Variants in RNGTT observed in about 807,000 individuals in gnomAD.
The protein encoded by RNGTT is RNA guanylyltransferase and 5'-phosphatase.
A neutral mutation model predicts 79.3 loss-of-function variants in RNGTT; 33 were observed. The ratio of observed to expected loss-of-function variants is 0.42; its 90% CI spans 0.32 to 0.56. RNGTT has a LOEUF of 0.56. Ranked by LOEUF, RNGTT falls within the 20% of genes least tolerant of loss-of-function variation. The pLI, the probability that RNGTT is intolerant of heterozygous loss-of-function variation, is 0.17. For synonymous variants in RNGTT, 222 were observed against 235.9 expected, an observed-to-expected ratio of 0.94 and a Z score of 0.54; for missense variants, 497 against 739.1, an observed-to-expected ratio of 0.67 and a Z score of 3.80.
chr6:88,904,573 A>C, intron 6 of RNGTT, 142 bp downstream of exon 6: 1 of 1,034,488 alleles, frequency 9.7e-7, no homozygotes, highest in Non-Finnish European at 1.3e-6. Context: ...AAAAAAAAAA[A>C]ATTTTTTTTT....
intron 1 of RNGTT, among the ~76,000 whole-genome samples, chr6:88,961,218 T>A (rs781337552): frequency 2.0e-5 from 3 of 152,176 alleles, no homozygotes; most frequent in Non-Finnish European, 4.4e-5. Flanking sequence ...TTCTTCCATT[T>A]TGGGACTCAG....
intron 4 of RNGTT, among the ~76,000 whole-genome samples, chr6:88,920,266 C>A (rs1784125134): frequency 6.6e-6 from 1 of 152,150 alleles, no homozygotes; most frequent in South Asian, 2.1e-4. Context: ...TATAAAATGG[C>A]ATAGTATTTG....
intron 14 of RNGTT, among the ~76,000 whole-genome samples, chr6:88,672,700 T>C (rs1329157212): frequency 6.6e-6 from 1 of 152,142 alleles, no homozygotes; most frequent in African/African-American, 2.4e-5. Context: ...CCAAAACCTA[T>C]TAAAGTAATA....
At position 88,742,584 on chromosome 6, in the gene RNGTT, C is replaced by T. The variant is rs986166450; in HGVS notation, c.1439+27190G>A. On this transcript the variant is annotated intron_variant, in intron 13 of 15. Transcript: ENST00000369485. ...GGAAAGAAAGGCTTGTTAGAAGTCA[C>T]GGCATGCTCTGATTGTGACAAAGAG... is the stretch of plus-strand genomic sequence containing the variant. Among the ~76,000 whole-genome samples, 8 of 152,134 alleles carry T rather than the reference C, an allele frequency of 5.3e-5. No individual in the cohort carries two copies. In the East Asian group the frequency reaches 7.7e-4, roughly 15 times the overall value.
At chr6:88,866,882 C>T (rs1782185365) in intron 8 of RNGTT, among the ~76,000 whole-genome samples, 1 of 152,094 alleles carries the variant, frequency 6.6e-6, no homozygotes, top group Admixed American at 6.6e-5. Flanking sequence ...ATTAAAAGTC[C>T]ACCCTTACTA....
At chr6:88,621,713 C>T (rs1054075131) in intron 14 of RNGTT, among the ~76,000 whole-genome samples, 1 of 152,004 alleles carries the variant, frequency 6.6e-6, no homozygotes, top group Non-Finnish European at 1.5e-5. Context: ...TAAGCTCCTA[C>T]ACTAAGCCCC....
In RNGTT at chr6:88,904,798, C is replaced by T; in HGVS notation, c.601G>A (p.Asp201Asn). 1.2e-6 allele frequency: 2 copies of T among 1,614,116 alleles called. No individual in the cohort carries two copies. The highest frequency in any genetic ancestry group is 8.5e-7 in the Non-Finnish European group (1 of 1,180,026). ...TCCTTCTTTCCATCCTCATCCTCAT[C>T]TTCGTCTTCATCATCCTCAAAACAC... ...DWCFEDDEDE[D>N]EDEDGKKESE... Residue 201 changes from aspartate to asparagine, a missense_variant, in exon 6 of 16, where the codon GAT (aspartate) becomes AAT (asparagine). Asp to Asn is a conservative substitution (Grantham distance 23). Transcript: ENST00000369485.
At chr6:88,844,687 T>G (rs939943679) in intron 10 of RNGTT, among the ~76,000 whole-genome samples, 166 bp from the exon 11 acceptor site, 24 of 152,212 alleles carry the variant, frequency 1.6e-4, no homozygotes, top group Non-Finnish European at 3.4e-4. Context: ...ATAATTAGTT[T>G]GACTAACAAT....
intron 12 of RNGTT, among the ~76,000 whole-genome samples, chr6:88,776,399 A>T (rs1778883614): frequency 6.6e-6 from 1 of 150,448 alleles, no homozygotes; most frequent in Admixed American, 6.7e-5. Flanking sequence ...AGCTCACCGC[A>T]ACCTCCGCCT....
At chr6:88,911,516 A>G (rs1295802439) in intron 4 of RNGTT, among the ~76,000 whole-genome samples, 1 of 152,166 alleles carries the variant, frequency 6.6e-6, no homozygotes, top group African/African-American at 2.4e-5. Context: ...GCAAGTCTCA[A>G]TAAATTTTTT....
At chr6:88,958,942 A>G (rs1785523339) in intron 1 of RNGTT, among the ~76,000 whole-genome samples, 3 of 152,222 alleles carry the variant, frequency 2.0e-5, no homozygotes, top group African/African-American at 7.2e-5. Flanking sequence ...AATTGCAAAA[A>G]TGTGGAACCA....
At chr6:88,775,555 A>T (rs992748605) in intron 12 of RNGTT, among the ~76,000 whole-genome samples, 1 of 152,174 alleles carries the variant, frequency 6.6e-6, no homozygotes, top group Non-Finnish European at 1.5e-5. Flanking sequence ...CTAACCACAG[A>T]AGACGGTACA....
chr6:88,761,653 T>C (rs865907345), intron 13 of RNGTT, among the ~76,000 whole-genome samples: 1 of 152,152 alleles, frequency 6.6e-6, no homozygotes, highest in Non-Finnish European at 1.5e-5. Flanking sequence ...TCACACCTGT[T>C]TTTGTAAATA....
At chr6:88,613,037 C>T (rs1337194934) in intron 15 of RNGTT, among the ~76,000 whole-genome samples, 155 bp from the exon 16 acceptor site, 1 of 152,140 alleles carries the variant, frequency 6.6e-6, no homozygotes, top group African/African-American at 2.4e-5. Flanking sequence ...TCCTCCCTAC[C>T]CTACACCCAA....
chr6:88,829,051 T>C (rs554300719), intron 11 of RNGTT, among the ~76,000 whole-genome samples: 1 of 151,840 alleles, frequency 6.6e-6, no homozygotes, highest in Non-Finnish European at 1.5e-5. Context: ...ACAAAGACAC[T>C]CCTCGAGAAG....
At chr6:88,953,255 G>A (rs1363451741) in intron 1 of RNGTT, among the ~76,000 whole-genome samples, 1 of 152,038 alleles carries the variant, frequency 6.6e-6, no homozygotes, top group Non-Finnish European at 1.5e-5. Context: ...TCTCCAGAGA[G>A]AAATAGAGAT....
At chr6:88,718,940 T>C (rs1406247493) in intron 13 of RNGTT, among the ~76,000 whole-genome samples, 2 of 152,208 alleles carry the variant, frequency 1.3e-5, no homozygotes, top group East Asian at 1.9e-4. Flanking sequence ...AACAGAAGGC[T>C]ATCCCTTTTC....
intron 12 of RNGTT, among the ~76,000 whole-genome samples, chr6:88,782,507 A>G (rs1779097069): frequency 6.6e-6 from 1 of 152,110 alleles, no homozygotes; most frequent in Admixed American, 6.6e-5. Context: ...TTTTCTGGAT[A>G]TAACACCAAA....
chr6:88,911,738 A>G (rs1046195506), intron 4 of RNGTT, among the ~76,000 whole-genome samples: 1 of 152,154 alleles, frequency 6.6e-6, no homozygotes, highest in African/African-American at 2.4e-5. Flanking sequence ...AATCTCTGAT[A>G]TGCAGCAAAA....
Sources: gnomAD v4.1 joint callset for allele counts (sites outside exome capture counted in the v4.1 genomes callset) on GRCh38, gnomAD v4.1.1 for gene constraint, MANE v1.5 for transcripts, NCBI Gene and HGNC (gene_info 2026-07-23, HGNC 2026-07-21) for gene names.